Variants in PPP3CA observed in about 807,000 individuals in gnomAD.
PPP3CA encodes the protein protein phosphatase 3 catalytic subunit alpha, also known as CAM-PRP catalytic subunit.
Under a neutral mutation model 66.5 loss-of-function variants are expected in PPP3CA, and 14 were observed. The observed-to-expected ratio is 0.21, with a 90% confidence interval of 0.14 to 0.33. The LOEUF is 0.33. PPP3CA is among the 10% of genes least tolerant of loss of function. The pLI, the probability that PPP3CA is intolerant of heterozygous loss-of-function variation, is 1.00. For synonymous variants in PPP3CA, 232 were observed against 226.2 expected, an observed-to-expected ratio of 1.03 and a Z score of -0.23; for missense variants, 317 against 639.5, an observed-to-expected ratio of 0.50 and a Z score of 5.44.
chr4:101,196,233 G>A (rs1578544047), intron 1 of PPP3CA, 117 bp from the exon 2 acceptor site: 2 of 929,494 alleles, frequency 2.2e-6, no homozygotes, highest in East Asian at 2.7e-5. Flanking sequence ...TTTTTAGAGT[G>A]GCTGAATTAA....
At chr4:101,307,380 T>C (rs1445202040) in intron 1 of PPP3CA, among the ~76,000 whole-genome samples, 2 of 152,198 alleles carry the variant, frequency 1.3e-5, no homozygotes, top group East Asian at 1.9e-4. Context: ...TGGGAGCTTT[T>C]ACCTTCGAAA....
At chr4:101,292,463 G>A (rs1434106307) in intron 1 of PPP3CA, among the ~76,000 whole-genome samples, 3 of 152,108 alleles carry the variant, frequency 2.0e-5, no homozygotes, top group African/African-American at 7.2e-5. Flanking sequence ...TCACCACATG[G>A]CCTCTAAATC....
At chr4:101,258,225 T>C (rs1003127243) in intron 1 of PPP3CA, among the ~76,000 whole-genome samples, 1 of 152,122 alleles carries the variant, frequency 6.6e-6, no homozygotes, top group African/African-American at 2.4e-5. Flanking sequence ...AAGGAAAACA[T>C]CACGAAGAAA....
chr4:101,279,265 G>C (rs1042690161), intron 1 of PPP3CA, among the ~76,000 whole-genome samples: 10 of 152,274 alleles, frequency 6.6e-5, no homozygotes, highest in African/African-American at 2.4e-4. Context: ...AGCAGCAAAT[G>C]GATGAGTAAC....
chr4:101,326,773 T>C (rs933044737), intron 1 of PPP3CA, among the ~76,000 whole-genome samples: 4 of 152,208 alleles, frequency 2.6e-5, no homozygotes, highest in African/African-American at 9.7e-5. Flanking sequence ...ACAAGTAACA[T>C]AAGCTTTTCC....
chr4:101,298,798 T>C (rs979477223), intron 1 of PPP3CA, among the ~76,000 whole-genome samples: 4 of 151,260 alleles, frequency 2.6e-5, no homozygotes, highest in Admixed American at 6.6e-5. Flanking sequence ...TTCGACTACA[T>C]GAGGGGTCAG....
At chr4:101,075,346 A>C (rs1729139758) in intron 8 of PPP3CA, among the ~76,000 whole-genome samples, 2 of 152,204 alleles carry the variant, frequency 1.3e-5, no homozygotes, top group African/African-American at 4.8e-5. Context: ...CGTTGCCATT[A>C]GACTTTCCTC....
chr4:101,166,271 G>A (rs1578513219), intron 2 of PPP3CA, among the ~76,000 whole-genome samples: 2 of 152,012 alleles, frequency 1.3e-5, no homozygotes, highest in East Asian at 1.9e-4. Flanking sequence ...GCTTTTCTGA[G>A]GTACACAATT....
At chr4:101,132,955 C>T (rs1722497123) in intron 2 of PPP3CA, among the ~76,000 whole-genome samples, 1 of 152,144 alleles carries the variant, frequency 6.6e-6, no homozygotes, top group Non-Finnish European at 1.5e-5. Context: ...ATACGCAAAC[C>T]AATAAACATA....
At chr4:101,123,676 C>CA (rs1005723686) in intron 2 of PPP3CA, among the ~76,000 whole-genome samples, 7 of 151,848 alleles carry the variant, frequency 4.6e-5, no homozygotes, top group African/African-American at 7.3e-5. Flanking sequence ...ACAAAATATA[C>CA]AAAAAAACCC....
chr4:101,031,124 A>G (rs1726937439), intron 12 of PPP3CA, among the ~76,000 whole-genome samples: 2 of 152,128 alleles, frequency 1.3e-5, no homozygotes, highest in African/African-American at 4.8e-5. Flanking sequence ...AATAAAGACA[A>G]TTAATGTGAT....
intron 1 of PPP3CA, among the ~76,000 whole-genome samples, chr4:101,341,827 T>C (rs1044254189): frequency 6.6e-5 from 10 of 152,192 alleles, no homozygotes; most frequent in African/African-American, 2.4e-4. Context: ...TTAGTAATTA[T>C]CAAAATTCTA....
At chr4:101,269,850 C>T (rs1727282801) in intron 1 of PPP3CA, among the ~76,000 whole-genome samples, 1 of 152,042 alleles carries the variant, frequency 6.6e-6, no homozygotes. Flanking sequence ...CAGTAGAAGT[C>T]ACGCCTTTGC....
chr4:101,155,621 T>C (rs1011917779), intron 2 of PPP3CA, among the ~76,000 whole-genome samples: 12 of 152,218 alleles, frequency 7.9e-5, no homozygotes, highest in Non-Finnish European at 1.5e-5. Flanking sequence ...CCCAGGCTTC[T>C]GAGAAAAGGG....
chr4:101,073,381 A>G (rs1344862564), intron 8 of PPP3CA, among the ~76,000 whole-genome samples: 1 of 151,136 alleles, frequency 6.6e-6, no homozygotes, highest in African/African-American at 2.4e-5. Context: ...GGTTCAAGCG[A>G]TTCTTCCTCC....
chr4:101,177,556 C>A (rs565094713), intron 2 of PPP3CA, among the ~76,000 whole-genome samples: 1 of 152,020 alleles, frequency 6.6e-6, no homozygotes, highest in African/African-American at 2.4e-5. Flanking sequence ...TCAAGAAGAT[C>A]CTAAACAAAA....
At chr4:101,071,611 T>TTTGA (rs547851178) in intron 8 of PPP3CA, among the ~76,000 whole-genome samples, 88 of 152,180 alleles carry the variant, frequency 5.8e-4, no homozygotes, top group Non-Finnish European at 1.0e-3. Flanking sequence ...AGATGGATTT[T>TTTGA]TTGATTGACC....
At position 101,181,414 on chromosome 4, in the gene PPP3CA, CAAATA is replaced by C. The variant is rs1200139482; in HGVS notation, c.259+14497_259+14501del. ...TCTACAAAGGTAACATAACAAAGCTCAAATAAAATAATATATTTCAAAGAAATGAA... is the reference window on the plus strand; with the variant it reads ...TCTACAAAGGTAACATAACAAAGCTCAAATAATATATTTCAAAGAAATGAA... On this transcript the variant is annotated intron_variant, in intron 2 of 13. Coordinates refer to ENST00000394854, the MANE Select transcript of PPP3CA (RefSeq NM_000944.5). 2.0e-5 allele frequency among the ~76,000 whole-genome samples: 3 copies of C among 151,780 alleles called. No homozygotes were observed. In the East Asian group the frequency reaches 5.8e-4, roughly 29 times the overall value.
At position 101,106,458 on chromosome 4, in the gene PPP3CA, A is replaced by AGAAGAGAAG. The variant is rs1560605216; in HGVS notation, c.384+2495_384+2496insCTTCTCTTC. On this transcript the variant is annotated intron_variant, in intron 3 of 13. Transcript: ENST00000394854. The stretch of plus-strand genomic sequence containing the variant: ...GAAAGAAAGAAAGAAAGAAAGAGAA[A>AGAAGAGAAG]AGAAAAGAAAAGAAAAGAAAAGAAA... 2.7e-3 allele frequency among the ~76,000 whole-genome samples: 89 copies of AGAAGAGAAG among 32,708 alleles called. 16 individuals are homozygous for AGAAGAGAAG. The highest frequency in any genetic ancestry group is 6.8e-3 in the African/African-American group (38 of 5,604). The allele number at this position is 32,708 out of a possible 152,430, so 21.5% of individuals were successfully genotyped here.
Sources: allele counts gnomAD v4.1 joint callset (sites outside exome capture counted in the v4.1 genomes callset), GRCh38; gene constraint gnomAD v4.1.1; transcripts MANE v1.5; gene names NCBI Gene and HGNC (gene_info 2026-07-23, HGNC 2026-07-21).